Variants in SIPA1L1 observed in about 807,000 individuals in gnomAD.
The protein encoded by SIPA1L1 is signal induced proliferation associated 1 like 1.
SIPA1L1 carries 26 observed loss-of-function variants against 162.7 expected under a neutral mutation model. The ratio of observed to expected loss-of-function variants is 0.16; its 90% CI spans 0.12 to 0.22. The LOEUF (loss-of-function observed/expected upper bound fraction) is 0.22, where lower values mean the gene tolerates loss of function less well. Among genes scored for constraint, SIPA1L1 ranks in the 10% least tolerant of loss-of-function variants. SIPA1L1 has a pLI of 1.00. For missense variants in SIPA1L1, 1,874 were observed against 2,241.0 expected (o/e 0.84, Z 3.31); for synonymous variants, 829 against 837.4 (o/e 0.99, Z 0.17).
chr14:71,564,068 T>G (rs2056998899), intron 4 of SIPA1L1, among the ~76,000 whole-genome samples: 1 of 152,006 alleles, frequency 6.6e-6, no homozygotes, highest in Non-Finnish European at 1.5e-5. Context: ...CACCTCAAAT[T>G]CCCAAGTAGT....
At chr14:71,330,131 T>C (rs762504278) in intron 2 of SIPA1L1, among the ~76,000 whole-genome samples, 2 of 152,204 alleles carry the variant, frequency 1.3e-5, no homozygotes, top group East Asian at 3.8e-4. Flanking sequence ...TGCCTAGATA[T>C]CATCATCCTT....
intron 4 of SIPA1L1, among the ~76,000 whole-genome samples, chr14:71,557,509 A>G (rs2056449029): frequency 6.6e-6 from 1 of 152,234 alleles, no homozygotes; most frequent in Non-Finnish European, 1.5e-5. Flanking sequence ...CAAAGGGGCC[A>G]CTTGCACTAA....
chr14:71,604,676 A>G (rs938411705), intron 5 of SIPA1L1, among the ~76,000 whole-genome samples: 1 of 151,758 alleles, frequency 6.6e-6, no homozygotes, highest in Non-Finnish European at 1.5e-5. Flanking sequence ...AGGTTTATTT[A>G]TTTATTTTTT....
chr14:71,641,572 A>G (rs1414533188), intron 7 of SIPA1L1, among the ~76,000 whole-genome samples: 3 of 152,054 alleles, frequency 2.0e-5, no homozygotes, highest in Non-Finnish European at 4.4e-5. Flanking sequence ...AACACAAAAA[A>G]ATTAGCTGGG....
chr14:71,333,007 G>A (rs971061660), intron 2 of SIPA1L1, among the ~76,000 whole-genome samples: 5 of 152,194 alleles, frequency 3.3e-5, no homozygotes, highest in Admixed American at 3.3e-4. Context: ...TTCTATAATG[G>A]TGGATAATTT....
intron 12 of SIPA1L1, among the ~76,000 whole-genome samples, chr14:71,682,224 G>A (rs967229961): frequency 2.0e-5 from 3 of 152,130 alleles, no homozygotes; most frequent in Admixed American, 1.3e-4. Flanking sequence ...GGCTAAATTC[G>A]TGCCTGGCCC....
At chr14:71,609,357 C>T (rs376028392) in intron 5 of SIPA1L1, among the ~76,000 whole-genome samples, 1 of 152,304 alleles carries the variant, frequency 6.6e-6, no homozygotes, top group East Asian at 1.9e-4. Context: ...CCACCTTGAT[C>T]TCCTGGGTTC....
chr14:71,698,624 T>A (rs1469155247), intron 13 of SIPA1L1, among the ~76,000 whole-genome samples: 1 of 152,246 alleles, frequency 6.6e-6, no homozygotes, highest in Non-Finnish European at 1.5e-5. Context: ...TGGAATTAAT[T>A]GCTATGTTAA....
At chr14:71,513,518 C>T (rs199637348) in intron 3 of SIPA1L1, among the ~76,000 whole-genome samples, 1 of 152,198 alleles carries the variant, frequency 6.6e-6, no homozygotes, top group African/African-American at 2.4e-5. Context: ...GGCAGGGTCT[C>T]GCTCTGTTGC....
chr14:71,392,104 C>G (rs1348496624), intron 2 of SIPA1L1, among the ~76,000 whole-genome samples: 2 of 152,198 alleles, frequency 1.3e-5, no homozygotes, highest in Non-Finnish European at 2.9e-5. Flanking sequence ...ACTCTCCAAG[C>G]AAGAGGAAGC....
chr14:71,484,056 T>G (rs2048554622), intron 2 of SIPA1L1, among the ~76,000 whole-genome samples: 1 of 152,208 alleles, frequency 6.6e-6, no homozygotes. Context: ...CCTCATTATT[T>G]GTGTTCCTCT....
At chr14:71,426,060 A>C (rs756342157) in intron 2 of SIPA1L1, among the ~76,000 whole-genome samples, 5 of 152,180 alleles carry the variant, frequency 3.3e-5, no homozygotes, top group Non-Finnish European at 5.9e-5. Flanking sequence ...TTATTACTGC[A>C]CTTAGAATCT....
In SIPA1L1 at chr14:71,354,464, G is replaced by C. The variant is rs572335329; in HGVS notation, c.-465+33283G>C. 3.2e-4 allele frequency among the ~76,000 whole-genome samples: 48 copies of C among 151,898 alleles called. No individual in the cohort carries two copies. In the South Asian group the frequency reaches 9.6e-3, roughly 30 times the overall value. ...GGCTAATTTTCATATTTTTGTAGAG[G>C]GGGGGTTTCACCATGTTGGCCAGGC... On this transcript the variant is annotated intron_variant, in intron 2 of 23. Transcript: ENST00000381232.
intron 7 of SIPA1L1, among the ~76,000 whole-genome samples, chr14:71,637,096 AT>A (rs56744567): frequency 0.012 from 1,667 of 142,582 alleles, 13 homozygotes; most frequent in African/African-American, 0.025. Context: ...TTAAAAAAAA[AT>A]TTTTTTTTTT....
chr14:71,685,181 C>T (rs2046181619), intron 12 of SIPA1L1, among the ~76,000 whole-genome samples, 181 bp from the exon 13 acceptor site: 4 of 152,148 alleles, frequency 2.6e-5, no homozygotes, highest in Non-Finnish European at 4.4e-5. Context: ...TATTATAATA[C>T]TTCCTTGGGT....
chr14:71,688,400 G>T (rs1041224244), intron 13 of SIPA1L1, among the ~76,000 whole-genome samples: 7 of 152,142 alleles, frequency 4.6e-5, no homozygotes, highest in African/African-American at 1.7e-4. Flanking sequence ...CGGGCTACTC[G>T]TGTTTGAGAA....
At chr14:71,564,784 C>T (rs769162506) in intron 4 of SIPA1L1, among the ~76,000 whole-genome samples, 23 of 152,082 alleles carry the variant, frequency 1.5e-4, no homozygotes, top group Non-Finnish European at 2.2e-4. Flanking sequence ...CCACCACGCC[C>T]GGCCATCCTT....
chr14:71,476,753 C>G (rs1445053209), intron 2 of SIPA1L1, among the ~76,000 whole-genome samples: 3 of 151,832 alleles, frequency 2.0e-5, no homozygotes, highest in African/African-American at 7.3e-5. Context: ...TCTCAGCACA[C>G]TGCAAGCTCT....
At chr14:71,367,554 C>T (rs563361490) in intron 2 of SIPA1L1, among the ~76,000 whole-genome samples, 9 of 150,764 alleles carry the variant, frequency 6.0e-5, no homozygotes, top group Admixed American at 2.6e-4. Context: ...GTGATCTGCC[C>T]GCCTCGGCCT....
Sources: gnomAD v4.1 joint callset for allele counts (sites outside exome capture counted in the v4.1 genomes callset) on GRCh38, gnomAD v4.1.1 for gene constraint, MANE v1.5 for transcripts, NCBI Gene and HGNC (gene_info 2026-07-23, HGNC 2026-07-21) for gene names.